Variants in UNC5B observed in about 807,000 individuals in gnomAD.
UNC5B encodes unc-5 netrin receptor B.
Under a neutral mutation model 103.7 loss-of-function variants are expected in UNC5B, and 56 were observed. That is an observed-to-expected ratio of 0.54 (90% CI 0.44 to 0.67). UNC5B has a LOEUF of 0.67. Ranked by LOEUF, UNC5B falls within the 30% of genes least tolerant of loss-of-function variation. The pLI is 0.00. For missense variants in UNC5B, 1,194 were observed against 1,284.5 expected, an observed-to-expected ratio of 0.93 and a Z score of 1.08; for synonymous variants, 577 against 542.0, an observed-to-expected ratio of 1.06 and a Z score of -0.90.
rs543381318 is a variant in UNC5B at position 71,218,467 on chromosome 10, A to G, written c.79+5403A>G. 4.7e-4 allele frequency among the ~76,000 whole-genome samples: 72 copies of G among 152,278 alleles called. 1 individual carries two copies. Among genetic ancestry groups the G allele is most frequent in the African/African-American group, 1.5e-3 (62 of 41,564 alleles). On this transcript the variant is annotated intron_variant, in intron 1 of 16. Coordinates refer to ENST00000335350, the MANE Select transcript of UNC5B (RefSeq NM_170744.5). ...TGCCCATCAGCACTTAAGAGACCTC[A>G]TTTTGCCCCACACCTGCACTGTGAG...
rs1394222055 is a variant in UNC5B at position 71,279,973 on chromosome 10, T to C, written c.232T>C (p.Tyr78His). The C allele has an allele frequency of 1.2e-6, 2 of 1,614,122 alleles. No homozygotes were observed. The highest frequency in any genetic ancestry group is 1.7e-6 in the Non-Finnish European group (2 of 1,180,032). ...RCRAFPATQIYFKCNGEWVSQ... is the reference protein window; with the variant it reads ...RCRAFPATQIHFKCNGEWVSQ... Reference sequence around the variant, plus strand: ...CCGCGCCTTCCCCGCCACACAGATCTACTTCAAGTGCAACGGCGAGTGGGT... The same window carrying C: ...CCGCGCCTTCCCCGCCACACAGATCCACTTCAAGTGCAACGGCGAGTGGGT... The change falls in exon 2 of 17, where the codon TAC (tyrosine) becomes CAC (histidine). Residue 78 changes from tyrosine to histidine, a missense_variant. Transcript: ENST00000335350.
chr10:71,294,365 C>T (rs1182535857), intron 13 of UNC5B, among the ~76,000 whole-genome samples: 2 of 152,164 alleles, frequency 1.3e-5, no homozygotes, highest in East Asian at 1.9e-4. Flanking sequence ...TGAGGGCGGG[C>T]GAGATGGGCA....
intron 16 of UNC5B, among the ~76,000 whole-genome samples, chr10:71,298,472 A>G (rs2132319344): frequency 6.6e-6 from 1 of 152,274 alleles, no homozygotes; most frequent in African/African-American, 2.4e-5. Flanking sequence ...ATGCTTGCTG[A>G]CTGACCAAGA....
chr10:71,298,187 C>A, intron 16 of UNC5B, 97 bp downstream of exon 16: 2 of 1,392,948 alleles, frequency 1.4e-6, no homozygotes, highest in Non-Finnish European at 1.9e-6. Flanking sequence ...ACGACCATCT[C>A]CCAGACCAGC....
chr10:71,214,792 C>T (rs763840316), intron 1 of UNC5B, among the ~76,000 whole-genome samples: 24 of 152,162 alleles, frequency 1.6e-4, no homozygotes, highest in Non-Finnish European at 3.1e-4. Context: ...GGGTGGCCTG[C>T]ATTTCCTGCT....
chr10:71,242,272 T>C (rs1843921041), intron 1 of UNC5B, among the ~76,000 whole-genome samples: 1 of 152,098 alleles, frequency 6.6e-6, no homozygotes, highest in African/African-American at 2.4e-5. Context: ...GGTGAGATGA[T>C]CTCCTTTGTA....
chr10:71,258,842 A>G (rs527468855), intron 1 of UNC5B, among the ~76,000 whole-genome samples: 33 of 152,230 alleles, frequency 2.2e-4, no homozygotes, highest in Non-Finnish European at 4.0e-4. Context: ...CCAGATGGGT[A>G]AAGACCCTCC....
At chr10:71,238,770 C>T (rs910603035) in intron 1 of UNC5B, among the ~76,000 whole-genome samples, 1 of 152,150 alleles carries the variant, frequency 6.6e-6, no homozygotes, top group African/African-American at 2.4e-5. Flanking sequence ...TACATATCCT[C>T]AGAAGCTTAA....
intron 1 of UNC5B, among the ~76,000 whole-genome samples, chr10:71,252,354 A>G (rs1844192463): frequency 6.6e-6 from 1 of 152,150 alleles, no homozygotes; most frequent in Non-Finnish European, 1.5e-5. Flanking sequence ...CTGCCTACCA[A>G]GTGTCCTGCC....
chr10:71,219,251 TAGTC>T (rs1277401052), intron 1 of UNC5B, among the ~76,000 whole-genome samples: 2 of 151,706 alleles, frequency 1.3e-5, no homozygotes, highest in Non-Finnish European at 2.9e-5. Flanking sequence ...AGGTTTGTAT[TAGTC>T]AGGGTTCTCT....
chr10:71,266,979 C>G (rs1844538096), intron 1 of UNC5B, among the ~76,000 whole-genome samples: 1 of 152,118 alleles, frequency 6.6e-6, no homozygotes. Flanking sequence ...GTCACTTAGT[C>G]ACTCAGTGGC....
At chr10:71,230,807 A>G (rs1316085625) in intron 1 of UNC5B, among the ~76,000 whole-genome samples, 2 of 152,266 alleles carry the variant, frequency 1.3e-5, no homozygotes, top group Non-Finnish European at 2.9e-5. Flanking sequence ...GGGGCAGGGA[A>G]GCAGGGAAGT....
chr10:71,221,554 C>A (rs1490207160), intron 1 of UNC5B, among the ~76,000 whole-genome samples: 4 of 152,250 alleles, frequency 2.6e-5, no homozygotes, highest in Non-Finnish European at 5.9e-5. Flanking sequence ...TGAGCAAGTG[C>A]TGAGCTCCGC....
In UNC5B at chr10:71,290,990, TGGC is replaced by T; in HGVS notation, c.1178_1180del (p.Ala393del). On this transcript the variant is annotated inframe_deletion, in exon 9 of 17. Transcript: ENST00000335350. ...ATCTTCGTGGTCGTGGCAATCCTCA[TGGC>T]GGTGGGGGTGGTGGTGTACCGCCGC... 1 of 1,614,074 alleles carries T rather than the reference TGGC, an allele frequency of 6.2e-7. No homozygotes were observed.
rs775403626 is a variant in UNC5B at position 71,291,665 on chromosome 10, A to G, written c.1528A>G (p.Thr510Ala). The change falls in exon 10 of 17, where the codon ACA (threonine) becomes GCA (alanine). Residue 510 changes from threonine (T) to alanine (A), a missense_variant. Transcript: ENST00000335350. ...CCTGCTGGGGGTCTTGCCGCCTGGCACATACCCTAGCGATTTCGCCCGGGA... is the reference window on the plus strand; with the variant it reads ...CCTGCTGGGGGTCTTGCCGCCTGGCGCATACCCTAGCGATTTCGCCCGGGA... Reference protein sequence around the residue: ...ADLLGVLPPGTYPSDFARDTH... With the variant: ...ADLLGVLPPGAYPSDFARDTH... 11 of 1,613,830 alleles carry G rather than the reference A, an allele frequency of 6.8e-6. 1 individual carries two copies. The South Asian group carries it at 1.2e-4, about 18-fold the overall frequency.
chr10:71,243,603 G>A (rs1843956741), intron 1 of UNC5B, among the ~76,000 whole-genome samples: 3 of 152,196 alleles, frequency 2.0e-5, no homozygotes, highest in African/African-American at 7.2e-5. Flanking sequence ...AAGGTTCTCA[G>A]CCAGGGTTAG....
chr10:71,262,478 T>C (rs1844435810), intron 1 of UNC5B, among the ~76,000 whole-genome samples: 1 of 152,030 alleles, frequency 6.6e-6, no homozygotes, highest in Non-Finnish European at 1.5e-5. Context: ...ATAGATCGAA[T>C]CCAGGCCACT....
chr10:71,264,971 TAAAAA>T (rs34240729), intron 1 of UNC5B, among the ~76,000 whole-genome samples: 5 of 120,848 alleles, frequency 4.1e-5, no homozygotes, highest in African/African-American at 9.1e-5. Flanking sequence ...CCTGTCTCTA[TAAAAA>T]AAAAAAAAAA....
intron 13 of UNC5B, 72 bp downstream of exon 13, chr10:71,294,005 C>A: frequency 7.2e-7 from 1 of 1,396,088 alleles, no homozygotes; most frequent in Non-Finnish European, 9.6e-7. Flanking sequence ...ATCCCCCACC[C>A]CAGGCTCATG....
Sources: allele counts gnomAD v4.1 joint callset (sites outside exome capture counted in the v4.1 genomes callset), GRCh38; gene constraint gnomAD v4.1.1; transcripts MANE v1.5; gene names NCBI Gene and HGNC (gene_info 2026-07-23, HGNC 2026-07-21).